The following ERBB4 variants were observed in gnomAD, a reference collection of about 807,000 sequenced individuals.
ERBB4 encodes erb-b2 receptor tyrosine kinase 4.
ERBB4 carries 42 observed loss-of-function variants against 158.0 expected under a neutral mutation model. The observed-to-expected ratio is 0.27, with a 90% CI of 0.21 to 0.34. The LOEUF (loss-of-function observed/expected upper bound fraction) is 0.34. Among genes scored for constraint, ERBB4 ranks in the 10% least tolerant of loss-of-function variants. ERBB4 has a pLI of 1.00. For missense variants in ERBB4, 1,333 were observed against 1,624.1 expected (o/e 0.82, Z 3.08); for synonymous variants, 583 against 558.7 (o/e 1.04, Z -0.61).
chr2:211,591,046 G>A (rs1316696567), intron 19 of ERBB4, among the ~76,000 whole-genome samples: 2 of 152,180 alleles, frequency 1.3e-5, no homozygotes, highest in Non-Finnish European at 2.9e-5. Context: ...CTCTCATGGG[G>A]TCTGTTATCA....
chr2:212,196,866 A>G (rs1301778421), intron 1 of ERBB4, among the ~76,000 whole-genome samples: 2 of 152,182 alleles, frequency 1.3e-5, no homozygotes, highest in Non-Finnish European at 2.9e-5. Flanking sequence ...TTGGATTGAC[A>G]TACGTGTATA....
chr2:211,534,338 G>C (rs1332777474), intron 20 of ERBB4, among the ~76,000 whole-genome samples: 1 of 151,974 alleles, frequency 6.6e-6, no homozygotes, highest in Non-Finnish European at 1.5e-5. Flanking sequence ...TGGTCAACTC[G>C]GGAGAAAACC....
intron 24 of ERBB4, among the ~76,000 whole-genome samples, chr2:211,420,826 G>A (rs2063498988): frequency 6.6e-6 from 1 of 151,940 alleles, no homozygotes; most frequent in Non-Finnish European, 1.5e-5. Flanking sequence ...TATACAAGGA[G>A]AATATGATAA....
At chr2:211,915,831 A>G (rs998084028) in intron 3 of ERBB4, among the ~76,000 whole-genome samples, 2 of 151,932 alleles carry the variant, frequency 1.3e-5, no homozygotes, top group Non-Finnish European at 2.9e-5. Context: ...AATGAAAGTG[A>G]TAGTAATAGC....
At chr2:211,701,936 T>C (rs1422107255) in intron 12 of ERBB4, 31 bp downstream of exon 12, 2 of 1,524,542 alleles carry the variant, frequency 1.3e-6, no homozygotes, top group South Asian at 1.1e-5. Flanking sequence ...TTTAAGTTTC[T>C]ATGTTTTAAA....
At chr2:211,525,370 C>G (rs1253615918) in intron 20 of ERBB4, among the ~76,000 whole-genome samples, 1 of 152,082 alleles carries the variant, frequency 6.6e-6, no homozygotes, top group African/African-American at 2.4e-5. Context: ...TAGGATAGGG[C>G]AGTGTTCTAA....
intron 16 of ERBB4, among the ~76,000 whole-genome samples, chr2:211,641,052 T>A (rs1293368384): frequency 6.6e-6 from 1 of 152,196 alleles, no homozygotes; most frequent in Admixed American, 6.5e-5. Flanking sequence ...ATTCAACTTT[T>A]ACAATTTCTT....
rs577707398 is a variant in ERBB4, at chr2:212,236,597, G to C, written c.83-111694C>G. 2.0e-5 allele frequency among the ~76,000 whole-genome samples: 3 copies of C among 152,262 alleles called. No individual in the cohort carries two copies. The South Asian group carries it at 6.2e-4, about 32-fold the overall frequency. On this transcript the variant is annotated intron_variant, in intron 1 of 27. Transcript: ENST00000342788. ...TTTAGCTCCGAATCCATCTGGTCCT[G>C]TGCCTTTTTTGGTTGGTAGGCTATT...
At chr2:212,062,396 ATTCTTTTTTTTTTT>A (rs2077802606) in intron 2 of ERBB4, among the ~76,000 whole-genome samples, 1 of 96,522 alleles carries the variant, frequency 1.0e-5, no homozygotes, top group Non-Finnish European at 2.0e-5. Flanking sequence ...TCACTTGTCA[ATTCTTTTTTTTTTT>A]TTTTTTTTTT....
intron 3 of ERBB4, among the ~76,000 whole-genome samples, chr2:211,874,413 T>G (rs538252382): frequency 1.3e-5 from 2 of 152,228 alleles, no homozygotes; most frequent in African/African-American, 4.8e-5. Flanking sequence ...ATTTCCAGAG[T>G]TTTTTGTTTA....
intron 18 of ERBB4, among the ~76,000 whole-genome samples, chr2:211,620,047 T>C (rs1330183343): frequency 1.3e-5 from 2 of 152,130 alleles, no homozygotes; most frequent in Admixed American, 6.6e-5. Context: ...TTGAGTGAAA[T>C]ACAACATTAA....
intron 1 of ERBB4, among the ~76,000 whole-genome samples, chr2:212,131,306 T>C (rs1398303163): frequency 2.0e-5 from 3 of 152,168 alleles, no homozygotes; most frequent in African/African-American, 4.8e-5. Flanking sequence ...AACAGAATAA[T>C]ATTTTTAAAA....
intron 20 of ERBB4, among the ~76,000 whole-genome samples, chr2:211,514,608 C>T (rs1305508873): frequency 6.6e-6 from 1 of 152,100 alleles, no homozygotes; most frequent in African/African-American, 2.4e-5. Context: ...ATGTCCTAGG[C>T]TCTACTATAA....
intron 1 of ERBB4, among the ~76,000 whole-genome samples, chr2:212,473,480 T>C (rs1404757707): frequency 1.3e-5 from 2 of 152,056 alleles, no homozygotes; most frequent in African/African-American, 4.8e-5. Flanking sequence ...GCCAATTAAA[T>C]GAAGAAAACA....
Position 211,661,993 on chromosome 2 carries a change from C to T in ERBB4, c.1871+3330G>A, listed in dbSNP as rs563654690. ...GGCGGAGCTTGCAGTGAGCCGAGAT[C>T]CCGCCACTGCACTCCAGCCTGGGCG... On this transcript the variant is annotated intron_variant, in intron 15 of 27. Transcript: ENST00000342788. 5.9e-5 allele frequency among the ~76,000 whole-genome samples: 7 copies of T among 117,874 alleles called. No homozygotes were observed. In the East Asian group the frequency reaches 1.0e-3, roughly 17 times the overall value. The allele number at this position is 117,874 out of a possible 152,430, so 77.3% of individuals were successfully genotyped here.
Position 211,379,767 on chromosome 2 carries a change from C to CAGAT in ERBB4, c.*3844_*3847dup, listed in dbSNP as rs1458996630. 2.2e-5 allele frequency: 5 copies of CAGAT among 231,972 alleles called. No homozygotes were observed. The highest frequency in any genetic ancestry group is 4.3e-5 in the Non-Finnish European group (5 of 117,378). 14.4% of individuals were successfully genotyped at this position (231,972 alleles called of 1,614,324 possible). ...ATACTAGTTAAATTATCAACAATTA[C>CAGAT]AGATGGATGAATAATTCCAGTTTTG... On this transcript the variant is annotated 3_prime_UTR_variant, in exon 28 of 28. Coordinates refer to ENST00000342788, the MANE Select transcript of ERBB4 (RefSeq NM_005235.3).
intron 25 of ERBB4, among the ~76,000 whole-genome samples, chr2:211,404,067 G>T (rs2063098816): frequency 1.3e-5 from 2 of 152,010 alleles, no homozygotes; most frequent in East Asian, 1.9e-4. Flanking sequence ...ATAGATAAGA[G>T]AAAAAGAAAT....
At chr2:212,062,488 A>G (rs889332497) in intron 2 of ERBB4, among the ~76,000 whole-genome samples, 4 of 131,430 alleles carry the variant, frequency 3.0e-5, no homozygotes, top group Non-Finnish European at 6.2e-5. Flanking sequence ...GCTCACTGCA[A>G]TCTCCAGCTC....
At chr2:211,674,532 T>C (rs774686991) in intron 13 of ERBB4, among the ~76,000 whole-genome samples, 9 of 152,174 alleles carry the variant, frequency 5.9e-5, no homozygotes, top group South Asian at 4.1e-4. Context: ...ACATGGATTA[T>C]GCATTTTATA....
Sources: allele counts gnomAD v4.1 joint callset (sites outside exome capture counted in the v4.1 genomes callset), GRCh38; gene constraint gnomAD v4.1.1; transcripts MANE v1.5; gene names NCBI Gene and HGNC (gene_info 2026-07-23, HGNC 2026-07-21).